The following SCD5 variants were observed in gnomAD, a reference collection of about 807,000 sequenced individuals.
SCD5 encodes stearoyl-CoA desaturase 5, also known as acyl-CoA-desaturase 4.
Under a neutral mutation model 30.4 loss-of-function variants are expected in SCD5, and 20 were observed. The observed-to-expected ratio is 0.66, with a 90% CI of 0.46 to 0.96. The LOEUF (loss-of-function observed/expected upper bound fraction) is 0.96. Among genes scored for constraint, SCD5 ranks in the 40% least tolerant of loss-of-function variants. SCD5 has a pLI of 0.00. For missense variants in SCD5, 381 were observed against 443.3 expected (o/e 0.86, Z 1.26); for synonymous variants, 173 against 176.4 (o/e 0.98, Z 0.16).
chr4:82,783,995 T>C lies in SCD5; in HGVS notation c.232+14311A>G, dbSNP rs548620049. Among the ~76,000 whole-genome samples, 10 of 152,228 alleles carry C rather than the reference T, an allele frequency of 6.6e-5. No homozygotes were observed. In the South Asian group the frequency reaches 1.7e-3, roughly 25 times the overall value. On this transcript the variant is annotated intron_variant, in intron 1 of 4. Coordinates refer to ENST00000319540, the MANE Select transcript of SCD5 (RefSeq NM_001037582.3). ...TTCTTAAATGGTTCAGAAAAAAATATATAGATTCTATACATACACACGTAT... is the reference window on the plus strand; with the variant it reads ...TTCTTAAATGGTTCAGAAAAAAATACATAGATTCTATACATACACACGTAT...
chr4:82,754,589 T>C (rs2148843765), intron 1 of SCD5, among the ~76,000 whole-genome samples: 2 of 152,272 alleles, frequency 1.3e-5, no homozygotes, highest in African/African-American at 4.8e-5. Context: ...TGCTGCTATT[T>C]ACAATTTCCA....
chr4:82,745,397 G>A (rs146579626), intron 1 of SCD5, among the ~76,000 whole-genome samples: 2 of 152,308 alleles, frequency 1.3e-5, no homozygotes, highest in African/African-American at 2.4e-5. Flanking sequence ...CTTGCTGGGT[G>A]AGCACGGCTC....
intron 1 of SCD5, among the ~76,000 whole-genome samples, chr4:82,771,859 C>G (rs1264637128): frequency 6.6e-6 from 1 of 152,190 alleles, no homozygotes; most frequent in Non-Finnish European, 1.5e-5. Context: ...CATGATCATT[C>G]CCAACCACAT....
intron 3 of SCD5, among the ~76,000 whole-genome samples, chr4:82,665,774 TA>T (rs1728172556): frequency 6.6e-6 from 1 of 152,060 alleles, no homozygotes; most frequent in Non-Finnish European, 1.5e-5. Context: ...GGAAATGAAA[TA>T]ATAAAGGTAA....
At chr4:82,729,313 G>A (rs1720576364) in intron 1 of SCD5, among the ~76,000 whole-genome samples, 4 of 152,232 alleles carry the variant, frequency 2.6e-5, no homozygotes, top group Non-Finnish European at 5.9e-5. Context: ...ACCTATGGTG[G>A]TGAGGAGGGC....
intron 1 of SCD5, among the ~76,000 whole-genome samples, chr4:82,785,120 C>T (rs1721959030): frequency 6.6e-6 from 1 of 152,158 alleles, no homozygotes; most frequent in Non-Finnish European, 1.5e-5. Context: ...TCGCTCACCA[C>T]CCCCCATCCC....
chr4:82,783,350 T>C (rs575587297), intron 1 of SCD5, among the ~76,000 whole-genome samples: 1 of 152,140 alleles, frequency 6.6e-6, no homozygotes, highest in African/African-American at 2.4e-5. Flanking sequence ...AATTTACAGA[T>C]ACAATTGCCT....
chr4:82,636,715 G>A lies in SCD5; in HGVS notation c.678C>T (p.Leu226=). The A allele has an allele frequency of 6.2e-7, 1 of 1,614,246 alleles. No homozygotes were observed. Among genetic ancestry groups the A allele is most frequent in the Non-Finnish European group, 8.5e-7 (1 of 1,180,048 alleles). The change falls in exon 4 of 5, where the codon CTC becomes CTT. Residue 226 remains leucine (L), a synonymous_variant. Coordinates refer to ENST00000319540, the MANE Select transcript of SCD5 (RefSeq NM_001037582.3). ...LWNSYFLASI[L]RYTISLNISW... The stretch of plus-strand genomic sequence containing the variant: ...TGATGTTGAGTGAGATGGTATAGCG[G>A]AGAATAGAGGCCAAGAAGTAGGAAT...
intron 1 of SCD5, among the ~76,000 whole-genome samples, chr4:82,788,071 C>T (rs1722022782): frequency 1.3e-5 from 2 of 152,122 alleles, no homozygotes; most frequent in African/African-American, 4.8e-5. Context: ...TTTTAAAAGG[C>T]TGGAGAGAGA....
chr4:82,651,429 A>C (rs1337947436), intron 3 of SCD5, among the ~76,000 whole-genome samples: 2 of 152,266 alleles, frequency 1.3e-5, no homozygotes, highest in African/African-American at 4.8e-5. Context: ...ACACAAAGGC[A>C]TAAGAGTGAT....
chr4:82,776,445 C>T (rs1164928404), intron 1 of SCD5, among the ~76,000 whole-genome samples: 2 of 152,152 alleles, frequency 1.3e-5, no homozygotes, highest in Non-Finnish European at 2.9e-5. Context: ...TCTAGGAGAG[C>T]AGGGAAAAAC....
chr4:82,707,734 A>C (rs1719998615), intron 1 of SCD5, among the ~76,000 whole-genome samples: 1 of 152,150 alleles, frequency 6.6e-6, no homozygotes, highest in African/African-American at 2.4e-5. Context: ...AAGGAACCAA[A>C]TCCTACCAAC....
At chr4:82,745,420 G>C (rs1038556217) in intron 1 of SCD5, among the ~76,000 whole-genome samples, 8 of 152,216 alleles carry the variant, frequency 5.3e-5, no homozygotes, top group Non-Finnish European at 1.0e-4. Flanking sequence ...AACAAGGAGA[G>C]ACATGAATGG....
Position 82,787,178 on chromosome 4 carries a change from C to A in SCD5, c.232+11128G>T, listed in dbSNP as rs180704268. 3.3e-5 allele frequency among the ~76,000 whole-genome samples: 5 copies of A among 152,314 alleles called. No individual in the cohort carries two copies. The East Asian group carries it at 9.6e-4, about 29-fold the overall frequency. On this transcript the variant is annotated intron_variant, in intron 1 of 4. Coordinates refer to ENST00000319540, the MANE Select transcript of SCD5 (RefSeq NM_001037582.3). Reference sequence around the variant, plus strand: ...CAAGAGAACAGAAATCCTGTTAGGACTTCATCAGTGAGATTCTGTGTCACT... The same window carrying A: ...CAAGAGAACAGAAATCCTGTTAGGAATTCATCAGTGAGATTCTGTGTCACT...
intron 3 of SCD5, among the ~76,000 whole-genome samples, chr4:82,663,089 A>G (rs1039413691): frequency 9.2e-5 from 14 of 152,150 alleles, no homozygotes; most frequent in African/African-American, 3.1e-4. Flanking sequence ...AGAAAAAGCT[A>G]ACTAATATAC....
intron 1 of SCD5, among the ~76,000 whole-genome samples, chr4:82,741,246 C>G (rs973632433): frequency 2.0e-5 from 3 of 152,080 alleles, no homozygotes; most frequent in African/African-American, 7.2e-5. Flanking sequence ...CCTCTTTTCC[C>G]ACTTCTTATA....
At chr4:82,720,446 A>AAAAAAAAAAAAAAAAAAAAAAAAAAAAC (rs1720346049) in intron 1 of SCD5, among the ~76,000 whole-genome samples, 1 of 147,838 alleles carries the variant, frequency 6.8e-6, no homozygotes, top group African/African-American at 2.6e-5. Flanking sequence ...AAAAATAAAA[A>AAAAAAAAAAAAAAAAAAAAAAAAAAAAC]AAAAAAAAAA....
At chr4:82,687,568 A>G (rs1728739216) in intron 2 of SCD5, among the ~76,000 whole-genome samples, 1 of 152,208 alleles carries the variant, frequency 6.6e-6, no homozygotes, top group African/African-American at 2.4e-5. Context: ...TCTCGTTAGC[A>G]ACTAATCAAC....
chr4:82,705,470 C>A lies in SCD5; in HGVS notation c.233-57G>T, dbSNP rs1006133994. 3.8e-6 allele frequency: 6 copies of A among 1,599,226 alleles called. No homozygotes were observed. The African/African-American group carries it at 6.7e-5, about 18-fold the overall frequency. On this transcript the variant is annotated intron_variant, in intron 1 of 4. Coordinates refer to ENST00000319540, the MANE Select transcript of SCD5 (RefSeq NM_001037582.3). ...ATGGTCCCTGAGCTTTCAAACACCCCCCATGCTTTTTCTCTCCTGAACAGG... is the reference window on the plus strand; with the variant it reads ...ATGGTCCCTGAGCTTTCAAACACCCACCATGCTTTTTCTCTCCTGAACAGG...
Sources: gnomAD v4.1 joint callset for allele counts (sites outside exome capture counted in the v4.1 genomes callset) on GRCh38, gnomAD v4.1.1 for gene constraint, MANE v1.5 for transcripts, NCBI Gene and HGNC (gene_info 2026-07-23, HGNC 2026-07-21) for gene names.